FAT1: variants seen among roughly 807,000 people sequenced by gnomAD.
The protein encoded by FAT1 is protocadherin Fat 1.
In FAT1, 171 loss-of-function variants were observed where a neutral mutation model predicts 329.8. The observed-to-expected ratio is 0.52, with a 90% CI of 0.46 to 0.59. FAT1 has a LOEUF of 0.59. Ranked by LOEUF, FAT1 falls within the 20% of genes least tolerant of loss-of-function variation. FAT1 has a pLI of 0.00. For synonymous variants in FAT1, 2,233 were observed against 2,228.6 expected (o/e 1.00, Z -0.06); for missense variants, 5,672 against 5,774.4 (o/e 0.98, Z 0.57).
intron 1 of FAT1, among the ~76,000 whole-genome samples, chr4:186,712,066 C>T (rs955296603): frequency 6.6e-6 from 1 of 152,194 alleles, no homozygotes; most frequent in African/African-American, 2.4e-5. Flanking sequence ...ATTGCAAGTA[C>T]TAGAAGTATT....
At position 186,663,348 on chromosome 4, in the gene FAT1, T is replaced by G. The variant is rs746783321; in HGVS notation, c.3531A>C (p.Lys1177Asn). ...DSSSNDKLMY[K>N]ITSGNPQGFF... is the part of the protein sequence containing the mutation. The stretch of plus-strand genomic sequence containing the variant: ...ATCCTTGTGGATTTCCACTTGTAAT[T>G]TTGTACATGAGCTTGTCATTAGAGC... The change falls in exon 3 of 27, where the codon AAA becomes AAC. Residue 1177 changes from lysine to asparagine, a missense_variant. Coordinates refer to ENST00000441802, the MANE Select transcript of FAT1 (RefSeq NM_005245.4). 4 of 1,614,034 alleles carry G rather than the reference T, an allele frequency of 2.5e-6. No homozygotes were observed. Among genetic ancestry groups the G allele is most frequent in the Non-Finnish European group, 3.4e-6 (4 of 1,179,892 alleles).
Position 186,595,707 on chromosome 4 carries a change from C to T in FAT1, c.13120G>A (p.Glu4374Lys), listed in dbSNP as rs763565837. ...EVQSLSSFQSESCDDNGYHWD... is the reference protein window; with the variant it reads ...EVQSLSSFQSKSCDDNGYHWD... ...GCCTCACCATTGTCATCGCACGATT[C>T]GGACTGGAAGGAGCTCAGAGACTGC... The change falls in exon 26 of 27, where the codon GAA becomes AAA. Residue 4374 changes from glutamate (E) to lysine (K), a missense_variant. Glu to Lys is a moderately conservative substitution (Grantham distance 56). Coordinates refer to ENST00000441802, the MANE Select transcript of FAT1 (RefSeq NM_005245.4). 7.4e-6 allele frequency: 12 copies of T among 1,613,788 alleles called. No individual in the cohort carries two copies. The highest frequency in any genetic ancestry group is 5.0e-5 in the Admixed American group (3 of 60,008).
intron 3 of FAT1, among the ~76,000 whole-genome samples, chr4:186,653,254 T>C (rs912304788): frequency 6.6e-6 from 1 of 152,164 alleles, no homozygotes; most frequent in Non-Finnish European, 1.5e-5. Context: ...CCTCAAAATC[T>C]AGGAAAATTT....
At position 186,708,252 on chromosome 4, in the gene FAT1, C is replaced by T. The variant is rs747359804; in HGVS notation, c.1576G>A (p.Asp526Asn). 3 of 1,614,000 alleles carry T rather than the reference C, an allele frequency of 1.9e-6. No individual in the cohort carries two copies. The highest frequency in any genetic ancestry group is 1.7e-5 in the Admixed American group (1 of 60,022). The change falls in exon 2 of 27, where the codon GAC (aspartate) becomes AAC (asparagine). Residue 526 changes from aspartate (D) to asparagine (N), a missense_variant. By Grantham distance (23) the Asp-to-Asn change is conservative (BLOSUM62 1). Coordinates refer to ENST00000441802, the MANE Select transcript of FAT1 (RefSeq NM_005245.4). ...TGAVSTSENL[D>N]YELMPRVYTL... ...TAAACCCGAGGCATCAGTTCGTAGT[C>T]CAGGTTTTCTGACGTACTCACGGCA...
chr4:186,709,148 C>T lies in FAT1; in HGVS notation c.680G>A (p.Arg227His), dbSNP rs376051210. 70 of 1,613,858 alleles carry T rather than the reference C, an allele frequency of 4.3e-5. No individual in the cohort carries two copies. The highest frequency in any genetic ancestry group is 1.5e-4 in the Admixed American group (9 of 60,002). ...LYEMEILAAD[R>H]GMKLYGSSGI... is the part of the protein sequence containing the mutation. ...ACTGCTCCCATACAACTTCATGCCA[C>T]GGTCCGCAGCGAGGATTTCCATCTC... The change falls in exon 2 of 27, where the codon CGT (arginine) becomes CAT (histidine). Residue 227 changes from arginine (R) to histidine (H), a missense_variant. Coordinates refer to ENST00000441802, the MANE Select transcript of FAT1 (RefSeq NM_005245.4).
chr4:186,664,571 CTGTAATG>C (rs1317116200), intron 2 of FAT1, among the ~76,000 whole-genome samples: 2 of 152,200 alleles, frequency 1.3e-5, no homozygotes, highest in Non-Finnish European at 2.9e-5. Flanking sequence ...GTTAGAGTAT[CTGTAATG>C]TTTTGGTCCA....
At chr4:186,678,272 G>C (rs1579435119) in intron 2 of FAT1, among the ~76,000 whole-genome samples, 1 of 151,862 alleles carries the variant, frequency 6.6e-6, no homozygotes, top group African/African-American at 2.4e-5. Context: ...TTAAGTAGCA[G>C]GGTGGTTACT....
chr4:186,725,697 TGA>T (rs1054736127), upstream of FAT1, among the ~76,000 whole-genome samples: 2 of 152,136 alleles, frequency 1.3e-5, no homozygotes, highest in African/African-American at 4.8e-5. The surrounding 1 kb of genome is among the most constrained non-coding windows in gnomAD (Gnocchi z 5.4). Flanking sequence ...TTATTTTATA[TGA>T]GAGAGAGAAA....
chr4:186,723,356 G>A (rs13125023), intron 1 of FAT1, among the ~76,000 whole-genome samples: 21,140 of 152,220 alleles, frequency 0.14, 1,946 homozygotes, highest in Non-Finnish European at 0.21. Flanking sequence ...CGCGAGGCCG[G>A]CGCAGCCCGG....
intron 18 of FAT1, 147 bp downstream of exon 18, chr4:186,604,230 G>A (rs1338095440): frequency 1.1e-5 from 8 of 701,104 alleles, no homozygotes; most frequent in Non-Finnish European, 1.6e-5. Flanking sequence ...GGATAAAAAT[G>A]GAAGGTATGG....
chr4:186,643,229 C>T (rs973184110), intron 3 of FAT1, among the ~76,000 whole-genome samples: 21 of 152,130 alleles, frequency 1.4e-4, no homozygotes, highest in Middle Eastern at 3.2e-3. Context: ...GCGCTCCCCA[C>T]GGCAGGAAGC....
chr4:186,670,314 A>G (rs1158413610), intron 2 of FAT1, among the ~76,000 whole-genome samples: 4 of 152,220 alleles, frequency 2.6e-5, no homozygotes, highest in Non-Finnish European at 4.4e-5. Flanking sequence ...AATTGTATTA[A>G]AAGCTGCTTT....
chr4:186,633,928 T>G, intron 6 of FAT1, 105 bp from the exon 7 acceptor site: 1 of 1,210,438 alleles, frequency 8.3e-7, no homozygotes, highest in Admixed American at 2.2e-5. Flanking sequence ...TCTAATATAC[T>G]AGCAAAGAGC....
chr4:186,722,240 TGAATA>T (rs1745501059), intron 1 of FAT1, among the ~76,000 whole-genome samples: 4 of 152,184 alleles, frequency 2.6e-5, no homozygotes, highest in Non-Finnish European at 4.4e-5. Flanking sequence ...AAGAGACAAA[TGAATA>T]TACAGGTGGC....
Position 186,603,343 on chromosome 4 carries a change from A to T in FAT1, c.11183T>A (p.Val3728Asp). 6.2e-6 allele frequency: 10 copies of T among 1,613,930 alleles called. No homozygotes were observed. Among genetic ancestry groups the T allele is most frequent in the Non-Finnish European group, 8.5e-6 (10 of 1,179,882 alleles). Residue 3728 changes from valine (V) to aspartate (D), a missense_variant, in exon 19 of 27, where the codon GTT becomes GAT. By Grantham distance (152) the Val-to-Asp change is radical. Coordinates refer to ENST00000441802, the MANE Select transcript of FAT1 (RefSeq NM_005245.4). Reference sequence around the variant, plus strand: ...TTTCTGGAATACATTCAGTATCCTAACTCCAATGATTTCCTCAATGTCAGT... The same window carrying T: ...TTTCTGGAATACATTCAGTATCCTATCTCCAATGATTTCCTCAATGTCAGT... ...SVTDIEEIIG[V>D]RILNVFQKLC...
chr4:186,622,326 CT>C (rs1179536019), intron 9 of FAT1, among the ~76,000 whole-genome samples: 1 of 152,224 alleles, frequency 6.6e-6, no homozygotes, highest in Non-Finnish European at 1.5e-5. Flanking sequence ...CCCTTCTTAT[CT>C]TTTTCAGGTC....
chr4:186,672,816 G>A (rs1181527820), intron 2 of FAT1, among the ~76,000 whole-genome samples: 2 of 152,134 alleles, frequency 1.3e-5, no homozygotes, highest in Non-Finnish European at 2.9e-5. Flanking sequence ...CCTTCAATTG[G>A]AGGGAAGATT....
In FAT1 at chr4:186,594,509, T is replaced by C. The variant is rs112050348; in HGVS notation, c.13138+1180A>G. ...ACTGGAAACAGGAACTTCTTAGAAT[T>C]AAAATTGATAAAAGACATAATTCTA... On this transcript the variant is annotated intron_variant, in intron 26 of 26. Coordinates refer to ENST00000441802, the MANE Select transcript of FAT1 (RefSeq NM_005245.4). Among the ~76,000 whole-genome samples, 750 of 151,312 alleles carry C rather than the reference T, an allele frequency of 5.0e-3. 7 individuals carry two copies. Among genetic ancestry groups the C allele is most frequent in the Middle Eastern group, 0.017 (5 of 288 alleles).
Position 186,628,554 on chromosome 4 carries a change from G to C in FAT1, c.4533C>G (p.Thr1511=). The C allele has an allele frequency of 6.2e-7, 1 of 1,613,970 alleles. No homozygotes were observed. The highest frequency in any genetic ancestry group is 8.5e-7 in the Non-Finnish European group (1 of 1,179,886). Residue 1511 remains threonine, a synonymous_variant, in exon 8 of 27, where the codon ACC becomes ACG. Coordinates refer to ENST00000441802, the MANE Select transcript of FAT1 (RefSeq NM_005245.4). The stretch of plus-strand genomic sequence containing the variant: ...GTTTCTCAGAAGTATAGAGAGAGCC[G>C]GTTGCAGGATCAAGACGAAATTTCT... ...SLKKFRLDPA[T]GSLYTSEKLD...
Sources: gnomAD v4.1 joint callset for allele counts (sites outside exome capture counted in the v4.1 genomes callset) on GRCh38, gnomAD v4.1.1 for gene constraint, Gnocchi (gnomAD v3.1) non-coding constraint, MANE v1.5 for transcripts, NCBI Gene and HGNC (gene_info 2026-07-23, HGNC 2026-07-21) for gene names.